Variants in DNM3 observed in about 807,000 individuals in gnomAD.
DNM3 encodes dynamin-3.
A neutral mutation model predicts 101.6 loss-of-function variants in DNM3; 47 were observed. The ratio of observed to expected loss-of-function variants is 0.46; its 90% confidence interval spans 0.37 to 0.59. DNM3 has a LOEUF of 0.59. Ranked by LOEUF, DNM3 falls within the 20% of genes least tolerant of loss-of-function variation. The pLI is 0.00. For missense variants in DNM3, 849 were observed against 1,085.7 expected (o/e 0.78, Z 3.06); for synonymous variants, 385 against 387.9 (o/e 0.99, Z 0.09).
intron 1 of DNM3, among the ~76,000 whole-genome samples, chr1:171,868,522 G>GA (rs1241063731): frequency 6.6e-6 from 1 of 152,152 alleles, no homozygotes; most frequent in Non-Finnish European, 1.5e-5. Context: ...AGTTCTATTT[G>GA]AAATGTTCAA....
chr1:171,861,110 A>C lies in DNM3; in HGVS notation c.161+19293A>C, dbSNP rs191506633. Among the ~76,000 whole-genome samples, 10 of 152,254 alleles carry C rather than the reference A, an allele frequency of 6.6e-5. No homozygotes were observed. The East Asian group carries it at 1.9e-3, about 29-fold the overall frequency. ...GAAAGAAATTAAAGAAGACCAACTA[A>C]AATGGAAAGATATCCTATGTTCATG... On this transcript the variant is annotated intron_variant, in intron 1 of 20. Transcript: ENST00000627582.
At chr1:172,132,486 T>G (rs1348946232) in intron 14 of DNM3, among the ~76,000 whole-genome samples, 2 of 152,208 alleles carry the variant, frequency 1.3e-5, no homozygotes, top group African/African-American at 4.8e-5. Flanking sequence ...GCTGCTTAGC[T>G]ATCTCTGTCA....
chr1:171,872,492 G>A (rs1478556921), intron 1 of DNM3, among the ~76,000 whole-genome samples: 2 of 152,154 alleles, frequency 1.3e-5, no homozygotes, highest in South Asian at 2.1e-4. Flanking sequence ...TCAAAATAAT[G>A]TACGTAGGAA....
intron 17 of DNM3, among the ~76,000 whole-genome samples, chr1:172,361,884 T>C (rs1207291697): frequency 6.6e-6 from 1 of 151,998 alleles, no homozygotes; most frequent in Non-Finnish European, 1.5e-5. Context: ...GAAAACTTGC[T>C]GCAAAATCTG....
At chr1:172,058,578 C>G (rs2050856025) in intron 10 of DNM3, among the ~76,000 whole-genome samples, 1 of 152,142 alleles carries the variant, frequency 6.6e-6, no homozygotes, top group African/African-American at 2.4e-5. Flanking sequence ...AACTGAACAA[C>G]CTGCTCTTGA....
chr1:172,014,986 C>A (rs1303338768), intron 4 of DNM3, among the ~76,000 whole-genome samples: 1 of 151,828 alleles, frequency 6.6e-6, no homozygotes, highest in Non-Finnish European at 1.5e-5. Context: ...CTATATTCAT[C>A]TTTTAGCATG....
chr1:172,258,782 T>A (rs1434255632), intron 15 of DNM3, among the ~76,000 whole-genome samples: 2 of 152,046 alleles, frequency 1.3e-5, no homozygotes, highest in Non-Finnish European at 2.9e-5. Context: ...TATTTCCTTC[T>A]ATTAATTCTG....
intron 1 of DNM3, among the ~76,000 whole-genome samples, chr1:171,919,740 T>C (rs1571612615): frequency 6.6e-6 from 1 of 152,352 alleles, no homozygotes; most frequent in Admixed American, 6.5e-5. Flanking sequence ...TTTAGTTATA[T>C]GTATTTAAAT....
rs113385221 is a variant in DNM3, at chr1:171,875,874, G to A, written c.161+34057G>A. Among the ~76,000 whole-genome samples, 1,193 of 135,876 alleles carry A rather than the reference G, an allele frequency of 8.8e-3. 23 individuals are homozygous for A. The highest frequency in any genetic ancestry group is 0.032 in the African/African-American group (1,129 of 34,766). The allele number at this position is 135,876 out of a possible 152,430, so 89.1% of individuals were successfully genotyped here. On this transcript the variant is annotated intron_variant, in intron 1 of 20. Coordinates refer to ENST00000627582, the MANE Select transcript of DNM3 (RefSeq NM_015569.5). ...TCGCCAGGCTGGAGTGCAGTGGTGC[G>A]ATCTGGGCTCACTGCAGCCTCCGCC...
intron 15 of DNM3, among the ~76,000 whole-genome samples, chr1:172,293,227 T>A (rs1260428466): frequency 1.3e-5 from 2 of 152,248 alleles, no homozygotes; most frequent in Admixed American, 6.5e-5. Context: ...CTCAGATGTT[T>A]GAACAGCTGA....
chr1:172,071,630 G>A (rs1017325405), intron 11 of DNM3, among the ~76,000 whole-genome samples: 2 of 151,100 alleles, frequency 1.3e-5, no homozygotes, highest in Non-Finnish European at 3.0e-5. Context: ...AGCTTTGTGG[G>A]AAAAAAAAAT....
At chr1:172,323,361 C>G (rs1273239693) in intron 17 of DNM3, 21 bp downstream of exon 17, 1 of 1,605,248 alleles carries the variant, frequency 6.2e-7, no homozygotes, top group Non-Finnish European at 8.5e-7. Flanking sequence ...TGTCCTCTTG[C>G]AGCTCTTCTG....
chr1:172,351,933 G>A (rs187923336), intron 17 of DNM3, among the ~76,000 whole-genome samples: 69 of 152,244 alleles, frequency 4.5e-4, no homozygotes, highest in Admixed American at 2.2e-3. Flanking sequence ...ATTCCGATCC[G>A]TCAGCTTCCC....
intron 1 of DNM3, among the ~76,000 whole-genome samples, chr1:171,865,896 G>A (rs1377998312): frequency 1.3e-5 from 2 of 152,138 alleles, no homozygotes; most frequent in Non-Finnish European, 2.9e-5. Context: ...TCAGATCCAT[G>A]TTGAGATTTC....
At chr1:171,912,487 C>A (rs1016558591) in intron 1 of DNM3, among the ~76,000 whole-genome samples, 1 of 152,114 alleles carries the variant, frequency 6.6e-6, no homozygotes, top group Non-Finnish European at 1.5e-5. Context: ...TTCCAGTGAC[C>A]TATAATGTCA....
chr1:172,026,094 A>C (rs1477596416), intron 4 of DNM3, among the ~76,000 whole-genome samples: 1 of 152,134 alleles, frequency 6.6e-6, no homozygotes, highest in East Asian at 1.9e-4. Flanking sequence ...TAGAGAAACC[A>C]GTTTAGAGAA....
At chr1:171,847,118 A>G (rs923244811) in intron 1 of DNM3, among the ~76,000 whole-genome samples, 12 of 152,234 alleles carry the variant, frequency 7.9e-5, no homozygotes, top group African/African-American at 2.7e-4. Context: ...GTAAGAATAT[A>G]CAAGAAAATA....
In DNM3 at chr1:172,408,222, G is replaced by A; in HGVS notation, c.*381G>A. 9.9e-7 allele frequency: 1 copy of A among 1,012,940 alleles called. No homozygotes were observed. Among genetic ancestry groups the A allele is most frequent in the Admixed American group, 5.3e-5 (1 of 18,756 alleles). The allele number at this position is 1,012,940 out of a possible 1,614,324, so 62.7% of individuals were successfully genotyped here. A position where few individuals can be genotyped will look rare whatever the true frequency, so the allele number is the denominator to read the frequency against. On this transcript the variant is annotated 3_prime_UTR_variant, in exon 21 of 21. Coordinates refer to ENST00000627582, the MANE Select transcript of DNM3 (RefSeq NM_015569.5). ...TATGAGATAGTGGGCTTAGACCTAA[G>A]CCATACATATTTCTTTTCCCACATT...
At chr1:172,126,744 CTT>C (rs2056645117) in intron 13 of DNM3, among the ~76,000 whole-genome samples, 1 of 151,450 alleles carries the variant, frequency 6.6e-6, no homozygotes, top group African/African-American at 2.4e-5. Flanking sequence ...TCATTGGACT[CTT>C]ATTCCTTTTA....
Sources: allele counts gnomAD v4.1 joint callset (sites outside exome capture counted in the v4.1 genomes callset), GRCh38; gene constraint gnomAD v4.1.1; transcripts MANE v1.5; gene names NCBI Gene and HGNC (gene_info 2026-07-23, HGNC 2026-07-21).